The following RIMS1 variants were observed in gnomAD, a reference collection of about 807,000 sequenced individuals.
RIMS1 encodes the protein regulating synaptic membrane exocytosis 1.
Under a neutral mutation model 214.1 loss-of-function variants are expected in RIMS1, and 83 were observed. The observed-to-expected ratio is 0.39, with a 90% CI of 0.32 to 0.47. The LOEUF is 0.47. Among genes scored for constraint, RIMS1 ranks in the 20% least tolerant of loss-of-function variants. The probability of loss-of-function intolerance (pLI) is 0.99; values close to 1 mark genes in which losing one functional copy is unlikely to be tolerated. For missense variants in RIMS1, 2,050 were observed against 2,161.8 expected, an observed-to-expected ratio of 0.95 and a Z score of 1.03; for synonymous variants, 793 against 786.8, an observed-to-expected ratio of 1.01 and a Z score of -0.13.
Position 71,976,715 on chromosome 6 carries a change from A to T in RIMS1, c.245+7652A>T, listed in dbSNP as rs189111956. ...CCCTGTGTTTTCTTCTGAGAGTTTT[A>T]TACTTTTAGATCTTACATTTAGGTC... is the stretch of plus-strand genomic sequence containing the variant. On this transcript the variant is annotated intron_variant, in intron 2 of 33. Coordinates refer to ENST00000521978, the MANE Select transcript of RIMS1 (RefSeq NM_014989.7). 2.8e-4 allele frequency among the ~76,000 whole-genome samples: 42 copies of T among 152,222 alleles called. No individual in the cohort carries two copies. In the East Asian group the frequency reaches 7.9e-3, roughly 29 times the overall value.
chr6:71,974,780 A>G, intron 2 of RIMS1, among the ~76,000 whole-genome samples: 1 of 152,232 alleles, frequency 6.6e-6, no homozygotes, highest in South Asian at 2.1e-4. Flanking sequence ...GAGTATTAGT[A>G]GCCAAGGAAA....
intron 22 of RIMS1, among the ~76,000 whole-genome samples, chr6:72,269,013 G>A (rs1440419123): frequency 6.6e-6 from 1 of 152,094 alleles, no homozygotes; most frequent in East Asian, 1.9e-4. Context: ...CAGAAGCAAT[G>A]ATTTTTAGAG....
chr6:72,223,946 T>TTA (rs1562743086), intron 6 of RIMS1, among the ~76,000 whole-genome samples: 4 of 35,754 alleles, frequency 1.1e-4, no homozygotes, highest in African/African-American at 6.6e-4. Context: ...AGACTCCGTC[T>TTA]CAAAAAAAAA....
At chr6:72,332,638 A>G (rs2154340722) in intron 28 of RIMS1, among the ~76,000 whole-genome samples, 1 of 151,026 alleles carries the variant, frequency 6.6e-6, no homozygotes, top group East Asian at 2.0e-4. Context: ...ATACATATGT[A>G]ACTAACCTGC....
chr6:72,318,783 T>C (rs1160526653), intron 28 of RIMS1, among the ~76,000 whole-genome samples: 1 of 152,192 alleles, frequency 6.6e-6, no homozygotes, highest in Non-Finnish European at 1.5e-5. Context: ...TCACTAGACC[T>C]GAAAGGTTTC....
At chr6:72,384,218 C>T (rs749646862) in intron 29 of RIMS1, among the ~76,000 whole-genome samples, 1 of 152,186 alleles carries the variant, frequency 6.6e-6, no homozygotes, top group Non-Finnish European at 1.5e-5. Context: ...TCTACTACCA[C>T]ACATCTTAAA....
chr6:71,943,674 G>T (rs1020490082), intron 1 of RIMS1, among the ~76,000 whole-genome samples: 27 of 152,226 alleles, frequency 1.8e-4, no homozygotes, highest in African/African-American at 6.0e-4. Context: ...AATAATATAG[G>T]CAATAAGCAT....
chr6:72,182,192 G>C lies in RIMS1; in HGVS notation c.813-92G>C, dbSNP rs562703843. On this transcript the variant is annotated intron_variant, in intron 5 of 33. Coordinates refer to ENST00000521978, the MANE Select transcript of RIMS1 (RefSeq NM_014989.7). ...ATCCCTATAACTAATTATTGTAACT[G>C]AAATGATTTAAGACTGGAATGAGAA... 9.2e-5 allele frequency: 124 copies of C among 1,349,280 alleles called. No individual in the cohort carries two copies. In the African/African-American group the frequency reaches 1.7e-3, roughly 18 times the overall value. 83.6% of individuals were successfully genotyped at this position (1,349,280 alleles called of 1,614,324 possible). A position where few individuals can be genotyped will look rare whatever the true frequency, so the allele number is the denominator to read the frequency against.
At chr6:72,347,578 A>G (rs2097308569) in intron 29 of RIMS1, among the ~76,000 whole-genome samples, 2 of 144,294 alleles carry the variant, frequency 1.4e-5, no homozygotes, top group Admixed American at 1.4e-4. Flanking sequence ...AAATAGTAAA[A>G]AATGTCCACT....
chr6:72,260,843 TTAG>T, intron 19 of RIMS1, 76 bp downstream of exon 19: 1 of 1,569,902 alleles, frequency 6.4e-7, no homozygotes, highest in Admixed American at 1.9e-5. Flanking sequence ...CGTCTCTCCC[TTAG>T]TGGTATTATT....
intron 25 of RIMS1, among the ~76,000 whole-genome samples, chr6:72,291,220 A>T (rs776974937): frequency 5.9e-5 from 9 of 152,174 alleles, no homozygotes; most frequent in Non-Finnish European, 1.2e-4. Flanking sequence ...AGGAAATTTT[A>T]AAAATCTTTT....
intron 26 of RIMS1, among the ~76,000 whole-genome samples, chr6:72,304,795 A>T (rs1049454695): frequency 6.6e-6 from 1 of 151,958 alleles, no homozygotes; most frequent in African/African-American, 2.4e-5. Context: ...GATATTATGT[A>T]ATTATTTGGC....
intron 4 of RIMS1, among the ~76,000 whole-genome samples, chr6:72,168,012 G>A (rs568472787): frequency 6.6e-6 from 1 of 152,074 alleles, no homozygotes; most frequent in South Asian, 2.1e-4. Context: ...AAATGGTATG[G>A]ATAATTTATT....
At chr6:72,242,878 G>A (rs545433975) in intron 10 of RIMS1, among the ~76,000 whole-genome samples, 2 of 151,600 alleles carry the variant, frequency 1.3e-5, no homozygotes, top group African/African-American at 4.8e-5. Context: ...TATTTTTTCT[G>A]TCTCTTTAAC....
intron 4 of RIMS1, among the ~76,000 whole-genome samples, chr6:72,154,169 C>G (rs1169328828): frequency 1.0e-5 from 1 of 95,376 alleles, no homozygotes; most frequent in African/African-American, 2.8e-5. Context: ...AATTTGCATG[C>G]TAGGAGAATA....
intron 2 of RIMS1, among the ~76,000 whole-genome samples, chr6:72,094,824 T>C (rs1466576513): frequency 2.6e-5 from 4 of 152,174 alleles, no homozygotes; most frequent in Non-Finnish European, 5.9e-5. Flanking sequence ...CCTTCTCATT[T>C]ATATTTACTT....
At chr6:72,057,060 G>A (rs2152210443) in intron 2 of RIMS1, among the ~76,000 whole-genome samples, 1 of 152,126 alleles carries the variant, frequency 6.6e-6, no homozygotes, top group South Asian at 2.1e-4. Context: ...ATAACTAATG[G>A]GTACTTGGCT....
Position 72,333,739 on chromosome 6 carries a change from G to A in RIMS1, c.4270G>A (p.Gly1424Arg). 1 of 1,599,214 alleles carries A rather than the reference G, an allele frequency of 6.3e-7. No individual in the cohort carries two copies. The highest frequency in any genetic ancestry group is 1.7e-5 in the Admixed American group (1 of 57,952). ...GTCAGACACAGCTGTGGGTACAGTT[G>A]GAGCAGGTGGAAAGAAACGGAGATC... ...SQSDTAVGTV[G>R]AGGKKRRSSL... Residue 1424 changes from glycine (G) to arginine (R), a missense_variant, in exon 29 of 34, where the codon GGA becomes AGA. Coordinates refer to ENST00000521978, the MANE Select transcript of RIMS1 (RefSeq NM_014989.7).
intron 4 of RIMS1, among the ~76,000 whole-genome samples, chr6:72,105,873 A>G (rs146789830): frequency 2.2e-4 from 34 of 152,328 alleles, no homozygotes; most frequent in Middle Eastern, 3.4e-3. Flanking sequence ...TATAAGCCTC[A>G]GGTCTACTAG....
Sources: allele counts gnomAD v4.1 joint callset (sites outside exome capture counted in the v4.1 genomes callset), GRCh38; gene constraint gnomAD v4.1.1; transcripts MANE v1.5; gene names NCBI Gene and HGNC (gene_info 2026-07-23, HGNC 2026-07-21).